ADGRV1: variants seen among roughly 807,000 people sequenced by gnomAD.
The protein encoded by ADGRV1 is adhesion G protein-coupled receptor V1, also known as G-protein coupled receptor 98.
Under a neutral mutation model 596.2 loss-of-function variants are expected in ADGRV1, and 359 were observed. That is an observed-to-expected ratio of 0.60 (90% CI 0.55 to 0.66). The LOEUF (loss-of-function observed/expected upper bound fraction) is 0.66. Among genes scored for constraint, ADGRV1 ranks in the 30% least tolerant of loss-of-function variants. The pLI, the probability that ADGRV1 is intolerant of heterozygous loss-of-function variation, is 0.00. For missense variants in ADGRV1, 7,274 were observed against 7,575.6 expected (o/e 0.96, Z 1.48); for synonymous variants, 2,681 against 2,679.2 (o/e 1.00, Z -0.02).
intron 1 of ADGRV1, among the ~76,000 whole-genome samples, chr5:90,577,666 A>G (rs1198755658): frequency 6.6e-6 from 1 of 152,248 alleles, no homozygotes; most frequent in Non-Finnish European, 1.5e-5. Flanking sequence ...AGTCAGTGGT[A>G]GCTTGATGGG....
intron 64 of ADGRV1, 156 bp from the exon 65 acceptor site, chr5:90,781,274 G>A (rs1457229766): frequency 2.9e-6 from 2 of 688,646 alleles, no homozygotes; most frequent in South Asian, 1.7e-5. Context: ...TCAGGAAAAA[G>A]AGAATATTTT....
intron 83 of ADGRV1, among the ~76,000 whole-genome samples, chr5:90,918,167 C>T (rs991849721): frequency 1.3e-5 from 2 of 151,900 alleles, no homozygotes; most frequent in East Asian, 3.9e-4. Flanking sequence ...CTGGATCAGT[C>T]CAATCTGGTG....
intron 57 of ADGRV1, among the ~76,000 whole-genome samples, chr5:90,758,637 G>GGAAA (rs1756106089): frequency 6.6e-6 from 1 of 152,160 alleles, no homozygotes; most frequent in Non-Finnish European, 1.5e-5. Flanking sequence ...CTGTCTGAGT[G>GGAAA]TGATATCCAG....
At chr5:90,709,179 A>G (rs1485586021) in intron 39 of ADGRV1, among the ~76,000 whole-genome samples, 1 of 152,130 alleles carries the variant, frequency 6.6e-6, no homozygotes, top group East Asian at 1.9e-4. Context: ...AGCTCTTTGG[A>G]AGGTATTTTC....
rs1363483604 is a variant in ADGRV1, at chr5:90,622,649, T to C, written c.506T>C (p.Leu169Pro). ...EPKGRNESMP[L>P]TLIREKGTYG... ...AAGGGCAGAAATGAGTCTATGCCTC[T>C]TACTCTCATCAGGGAAAAGGGAACC... The change falls in exon 5 of 90, where the codon CTT becomes CCT. Residue 169 changes from leucine to proline, a missense_variant. This residue lies in a region of ADGRV1 where 1,715 missense variants were observed against 1,708.8 expected (regional missense o/e 1.00). Coordinates refer to ENST00000405460, the MANE Select transcript of ADGRV1 (RefSeq NM_032119.4). 3.9e-6 allele frequency: 6 copies of C among 1,550,342 alleles called. No individual in the cohort carries two copies. The African/African-American group carries it at 6.9e-5, about 18-fold the overall frequency.
Position 90,644,727 on chromosome 5 carries a change from A to G in ADGRV1, c.2756A>G (p.Asn919Ser). ...IYSAVYDVVR[N>S]RGNFGDVSVS... ...ACAGCTGTTTATGATGTAGTAAGAA[A>G]TCGAGGCAACTTTGGTGATGTTAGT... The change falls in exon 15 of 90, where the codon AAT becomes AGT. Residue 919 changes from asparagine (N) to serine (S), a missense_variant. This residue lies in a region of ADGRV1 where 1,715 missense variants were observed against 1,708.8 expected (regional missense o/e 1.00). Transcript: ENST00000405460. 6.2e-7 allele frequency: 1 copy of G among 1,609,920 alleles called. No homozygotes were observed. The highest frequency in any genetic ancestry group is 8.5e-7 in the Non-Finnish European group (1 of 1,178,752).
intron 21 of ADGRV1, among the ~76,000 whole-genome samples, chr5:90,667,568 A>G (rs1200349518): frequency 6.7e-6 from 1 of 149,804 alleles, no homozygotes; most frequent in Non-Finnish European, 1.5e-5. Flanking sequence ...GTCCTCCCGT[A>G]GCTCAGAGTA....
At chr5:90,719,320 CATAAATAAATAAATAAATAA>C (rs3045849) in intron 43 of ADGRV1, among the ~76,000 whole-genome samples, 71,829 of 149,198 alleles carry the variant, frequency 0.48, 17,872 homozygotes, top group East Asian at 0.79. Flanking sequence ...GACTCTGTCT[CATAAATAAATAAATAAATAA>C]ATAAATAAAT....
chr5:91,136,633 A>G (rs542296786), intron 87 of ADGRV1, among the ~76,000 whole-genome samples: 5 of 152,358 alleles, frequency 3.3e-5, no homozygotes, highest in Admixed American at 6.5e-5. Context: ...ACAAATATAT[A>G]TAGTACATTT....
chr5:90,730,654 G>C (rs528797852), intron 50 of ADGRV1, among the ~76,000 whole-genome samples: 514 of 152,312 alleles, frequency 3.4e-3, no homozygotes, highest in African/African-American at 0.011. Flanking sequence ...TCTGCAGGTT[G>C]TAGGATTATT....
chr5:90,596,327 C>T (rs1760582212), intron 1 of ADGRV1, among the ~76,000 whole-genome samples: 1 of 151,088 alleles, frequency 6.6e-6, no homozygotes, highest in South Asian at 2.1e-4. Flanking sequence ...GGCAGAGGGG[C>T]TCCTCACATC....
At chr5:90,895,010 C>T (rs1771171279) in intron 83 of ADGRV1, among the ~76,000 whole-genome samples, 1 of 152,060 alleles carries the variant, frequency 6.6e-6, no homozygotes, top group East Asian at 1.9e-4. Context: ...CTCATTGTAG[C>T]CTCGACTTTC....
In ADGRV1 at chr5:90,637,663, G is replaced by A. The variant is rs1766394855; in HGVS notation, c.2017-62G>A. 5.0e-6 allele frequency: 6 copies of A among 1,192,154 alleles called. 1 individual carries two copies. The Admixed American group carries it at 1.0e-4, about 21-fold the overall frequency. The allele number at this position is 1,192,154 out of a possible 1,614,324, so 73.8% of individuals were successfully genotyped here. Reference sequence around the variant, plus strand: ...TGTACAAACTAATATCAATACCAAAGCTTATATAATTTCTGAACATATATT... The same window carrying A: ...TGTACAAACTAATATCAATACCAAAACTTATATAATTTCTGAACATATATT... On this transcript the variant is annotated intron_variant, in intron 10 of 89. Coordinates refer to ENST00000405460, the MANE Select transcript of ADGRV1 (RefSeq NM_032119.4).
At chr5:90,620,637 A>G (rs1209250543) in intron 4 of ADGRV1, among the ~76,000 whole-genome samples, 1 of 151,920 alleles carries the variant, frequency 6.6e-6, no homozygotes, top group African/African-American at 2.4e-5. Flanking sequence ...TTTTGTTGCC[A>G]TTGCTTTTGG....
chr5:91,129,007 G>A (rs1308912878), intron 87 of ADGRV1, among the ~76,000 whole-genome samples: 1 of 152,206 alleles, frequency 6.6e-6, no homozygotes, highest in East Asian at 1.9e-4. Flanking sequence ...GAAAAACCTC[G>A]GTTCAAAATA....
At chr5:90,764,621 C>T (rs1318480119) in intron 59 of ADGRV1, among the ~76,000 whole-genome samples, 4 of 152,134 alleles carry the variant, frequency 2.6e-5, no homozygotes, top group African/African-American at 9.7e-5. Flanking sequence ...ATGGGCTGTG[C>T]TCCCCCTCCC....
At chr5:90,962,233 T>G (rs1467184625) in intron 83 of ADGRV1, among the ~76,000 whole-genome samples, 2 of 152,262 alleles carry the variant, frequency 1.3e-5, no homozygotes, top group Non-Finnish European at 2.9e-5. Context: ...GGAAAACATG[T>G]AGCGCCATGC....
Position 90,941,270 on chromosome 5 carries a change from C to A in ADGRV1, c.17857-24145C>A, listed in dbSNP as rs1776147810. Among the ~76,000 whole-genome samples the A allele has an allele frequency of 2.0e-5, 3 of 152,086 alleles. No individual in the cohort carries two copies. In the East Asian group the frequency reaches 5.8e-4, roughly 29 times the overall value. On this transcript the variant is annotated intron_variant, in intron 83 of 89. Coordinates refer to ENST00000405460, the MANE Select transcript of ADGRV1 (RefSeq NM_032119.4). ...CTCTAAATAAATAGAGACAGGATATCTTTTATAACACCTGGTGAAAATTAA... is the reference window on the plus strand; with the variant it reads ...CTCTAAATAAATAGAGACAGGATATATTTTATAACACCTGGTGAAAATTAA...
intron 85 of ADGRV1, among the ~76,000 whole-genome samples, chr5:91,019,570 T>C (rs1783456343): frequency 7.8e-6 from 1 of 128,608 alleles, no homozygotes. Flanking sequence ...ATTAATTTAC[T>C]TGGTTATTTC....
Sources: allele counts gnomAD v4.1 joint callset (sites outside exome capture counted in the v4.1 genomes callset), GRCh38; gene constraint gnomAD v4.1.1; regional missense constraint gnomAD v4.1.1; transcripts MANE v1.5; gene names NCBI Gene and HGNC (gene_info 2026-07-23, HGNC 2026-07-21).